The following RPS6KA6 variants were observed in gnomAD, a reference collection of about 807,000 sequenced individuals.
RPS6KA6 encodes the protein ribosomal protein S6 kinase alpha-6.
RPS6KA6 carries 27 observed loss-of-function variants against 65.4 expected under a neutral mutation model. The observed-to-expected ratio is 0.41, with a 90% confidence interval of 0.30 to 0.57. The LOEUF is 0.57. Ranked by LOEUF, RPS6KA6 falls within the 20% of genes least tolerant of loss-of-function variation. RPS6KA6 has a pLI of 0.24. For synonymous variants in RPS6KA6, 190 were observed against 184.2 expected (o/e 1.03, Z -0.26); for missense variants, 486 against 555.6 (o/e 0.87, Z 1.26).
chrX:84,186,181 T>A, intron 1 of RPS6KA6: 1 of 477,945 alleles, frequency 2.1e-6, no homozygotes, highest in African/African-American at 2.4e-5. Flanking sequence ...CTGCAAACAA[T>A]AAAAAAACCA....
At chrX:84,103,241 A>G (rs1189594600) in intron 17 of RPS6KA6, among the ~76,000 whole-genome samples, 2 of 111,481 alleles carry the variant, frequency 1.8e-5, no homozygotes, top group African/African-American at 6.5e-5. Context: ...AAAACAGATA[A>G]GGATTTTAAA....
intron 6 of RPS6KA6, among the ~76,000 whole-genome samples, chrX:84,136,396 T>A: frequency 9.0e-6 from 1 of 111,519 alleles, no homozygotes; most frequent in Admixed American, 9.6e-5. Flanking sequence ...TAGTAGTTAA[T>A]AACTTCTGAT....
Position 84,062,321 on chromosome X carries a change from C to T in RPS6KA6, c.*1956G>A, listed in dbSNP as rs919437914. ...CCTAATTTTATTACTTAAAATGCAT[C>T]CATGGAAATAGTATCTCTGTCCTGA... On this transcript the variant is annotated 3_prime_UTR_variant, in exon 22 of 22. Transcript: ENST00000262752. The T allele has an allele frequency of 9.0e-6, 1 of 111,363 alleles. No homozygotes were observed. Among genetic ancestry groups the T allele is most frequent in the African/African-American group, 3.3e-5 (1 of 30,689 alleles). 9.2% of individuals were successfully genotyped at this position (111,363 alleles called of 1,213,427 possible).
intron 20 of RPS6KA6, among the ~76,000 whole-genome samples, chrX:84,093,570 A>G (rs962666549): frequency 4.5e-5 from 5 of 112,195 alleles, no homozygotes; most frequent in Non-Finnish European, 9.4e-5. Flanking sequence ...CCAGGCTAAA[A>G]GAGACGTAAG....
intron 6 of RPS6KA6, 87 bp downstream of exon 6, chrX:84,145,391 T>C: frequency 1.7e-6 from 1 of 577,822 alleles, no homozygotes; most frequent in Non-Finnish European, 2.7e-6. Context: ...AAAATTTCAA[T>C]AGGAAAAATG....
intron 20 of RPS6KA6, among the ~76,000 whole-genome samples, chrX:84,073,880 G>T (rs1000219065): frequency 2.7e-5 from 3 of 110,905 alleles, no homozygotes; most frequent in African/African-American, 9.8e-5. Flanking sequence ...GACAAATGCT[G>T]CCATGGATGT....
intron 20 of RPS6KA6, among the ~76,000 whole-genome samples, chrX:84,094,991 T>C (rs5922013): frequency 0.21 from 23,891 of 111,540 alleles, 2,834 homozygotes; most frequent in African/African-American, 0.46. Flanking sequence ...CCAAATTGCA[T>C]AGAAATGAAT....
chrX:84,116,911 A>G, intron 11 of RPS6KA6, 149 bp downstream of exon 11: 2 of 389,315 alleles, frequency 5.1e-6, no homozygotes, highest in Non-Finnish European at 9.0e-6. Context: ...TGGACATAAC[A>G]GAGTTTACTT....
intron 20 of RPS6KA6, among the ~76,000 whole-genome samples, chrX:84,095,781 T>C (rs978411376): frequency 2.7e-5 from 3 of 111,905 alleles, no homozygotes; most frequent in African/African-American, 9.7e-5. Flanking sequence ...CACAGATACA[T>C]AGTCCATTCA....
chrX:84,166,811 T>C (rs1389285564), intron 1 of RPS6KA6, among the ~76,000 whole-genome samples: 1 of 111,613 alleles, frequency 9.0e-6, no homozygotes, highest in Non-Finnish European at 1.9e-5. Context: ...TCCTTTTTGA[T>C]GTGATGAAGA....
chrX:84,181,212 A>C (rs1002487356), intron 1 of RPS6KA6, among the ~76,000 whole-genome samples: 4 of 111,687 alleles, frequency 3.6e-5, no homozygotes, highest in African/African-American at 1.3e-4. Context: ...TGGGTTTTGA[A>C]ATTTTTTGTT....
At chrX:84,137,577 T>A (rs974661073) in intron 6 of RPS6KA6, among the ~76,000 whole-genome samples, 4 of 111,762 alleles carry the variant, frequency 3.6e-5, no homozygotes, top group African/African-American at 1.3e-4. Context: ...TCCACTCCCA[T>A]CAGCAGTTTA....
chrX:84,099,042 T>C (rs929019683), intron 18 of RPS6KA6, among the ~76,000 whole-genome samples: 1 of 111,122 alleles, frequency 9.0e-6, no homozygotes, highest in African/African-American at 3.3e-5. Context: ...CATCACCATG[T>C]TTTCCCTGAT....
intron 20 of RPS6KA6, among the ~76,000 whole-genome samples, chrX:84,079,637 G>C (rs1384189602): frequency 1.8e-5 from 2 of 111,089 alleles, no homozygotes; most frequent in African/African-American, 6.6e-5. Flanking sequence ...GAGCTTGGTG[G>C]GGGGAGGGGC....
intron 3 of RPS6KA6, among the ~76,000 whole-genome samples, chrX:84,151,177 T>G (rs1451278630): frequency 1.0e-5 from 1 of 99,340 alleles, no homozygotes; most frequent in Non-Finnish European, 2.0e-5. Context: ...GATATATATA[T>G]AGCTATATAG....
intron 6 of RPS6KA6, among the ~76,000 whole-genome samples, chrX:84,140,031 A>C (rs1192393258): frequency 1.8e-5 from 2 of 111,754 alleles, no homozygotes; most frequent in Non-Finnish European, 3.8e-5. Flanking sequence ...AAATTGCACA[A>C]AGAGAACTCT....
At chrX:84,083,404 C>G (rs746455291) in intron 20 of RPS6KA6, among the ~76,000 whole-genome samples, 11 of 112,178 alleles carry the variant, frequency 9.8e-5, no homozygotes, top group Non-Finnish European at 1.9e-4. Flanking sequence ...CATAACAGGG[C>G]CCAGTGTGTG....
At chrX:84,153,213 TTTTTAAGTCCTGTAC>T (rs1303474754) in intron 3 of RPS6KA6, among the ~76,000 whole-genome samples, 3 of 111,972 alleles carry the variant, frequency 2.7e-5, no homozygotes, top group African/African-American at 9.7e-5. Flanking sequence ...CAAAAATTCA[TTTTTAAGTCCTGTAC>T]TTAAAGTCTT....
At chrX:84,180,080 A>G (rs1159098192) in intron 1 of RPS6KA6, among the ~76,000 whole-genome samples, 1 of 111,428 alleles carries the variant, frequency 9.0e-6, no homozygotes, top group Non-Finnish European at 1.9e-5. Context: ...TTCAGTCCAC[A>G]TTTCCCCTCA....
Sources: gnomAD v4.1 joint callset for allele counts (sites outside exome capture counted in the v4.1 genomes callset) on GRCh38, gnomAD v4.1.1 for gene constraint, MANE v1.5 for transcripts, NCBI Gene and HGNC (gene_info 2026-07-23, HGNC 2026-07-21) for gene names.